Variants in FLT1 observed in about 807,000 individuals in gnomAD.
The protein encoded by FLT1 is vascular endothelial growth factor receptor 1.
A neutral mutation model predicts 156.3 loss-of-function variants in FLT1; 49 were observed. The ratio of observed to expected loss-of-function variants is 0.31; its 90% CI spans 0.25 to 0.40. The LOEUF is 0.40. Among genes scored for constraint, FLT1 ranks in the 10% least tolerant of loss-of-function variants. FLT1 has a pLI of 1.00. For synonymous variants in FLT1, 594 were observed against 583.8 expected (o/e 1.02, Z -0.25); for missense variants, 1,322 against 1,637.2 (o/e 0.81, Z 3.32).
At chr13:28,451,617 C>T (rs1878943104) in intron 3 of FLT1, among the ~76,000 whole-genome samples, 2 of 118,272 alleles carry the variant, frequency 1.7e-5, no homozygotes, top group Non-Finnish European at 1.8e-5. Flanking sequence ...GTGTGCGGGG[C>T]GGCGGGGGAG....
chr13:28,305,337 C>T (rs1870697846), intron 29 of FLT1, among the ~76,000 whole-genome samples: 1 of 152,132 alleles, frequency 6.6e-6, no homozygotes, highest in Non-Finnish European at 1.5e-5. Context: ...GATCCTCCCA[C>T]CCCAGCCTCC....
intron 1 of FLT1, among the ~76,000 whole-genome samples, chr13:28,478,240 C>T (rs1880657961): frequency 6.6e-6 from 1 of 152,160 alleles, no homozygotes; most frequent in South Asian, 2.1e-4. Context: ...TAAACAATTA[C>T]CAGTTTGGAA....
At chr13:28,396,549 G>T (rs959780731) in intron 12 of FLT1, among the ~76,000 whole-genome samples, 20 of 152,224 alleles carry the variant, frequency 1.3e-4, no homozygotes, top group Middle Eastern at 3.4e-3. Flanking sequence ...TACCTAAGTT[G>T]TAAAAAAATT....
At chr13:28,474,803 T>A (rs2137642064) in intron 1 of FLT1, among the ~76,000 whole-genome samples, 1 of 152,310 alleles carries the variant, frequency 6.6e-6, no homozygotes, top group Admixed American at 6.5e-5. Context: ...TTTAATATTC[T>A]TGTCTCTTAC....
intron 14 of FLT1, among the ~76,000 whole-genome samples, chr13:28,371,063 T>C (rs1873541070): frequency 6.6e-6 from 1 of 152,180 alleles, no homozygotes; most frequent in Admixed American, 6.5e-5. Context: ...GGTAGAACAA[T>C]ACGTTTTGAC....
At chr13:28,414,988 G>T (rs781767248) in intron 10 of FLT1, among the ~76,000 whole-genome samples, 3 of 150,814 alleles carry the variant, frequency 2.0e-5, no homozygotes, top group Non-Finnish European at 4.4e-5. Flanking sequence ...CATGGGATCT[G>T]CCAGGGCCCT....
At chr13:28,474,321 T>G (rs936543144) in intron 1 of FLT1, among the ~76,000 whole-genome samples, 13 of 152,090 alleles carry the variant, frequency 8.5e-5, no homozygotes, top group African/African-American at 2.9e-4. Flanking sequence ...CCAGGTGTGG[T>G]GGCATGCACC....
chr13:28,314,076 T>C (rs1401544254), intron 25 of FLT1, among the ~76,000 whole-genome samples: 1 of 152,132 alleles, frequency 6.6e-6, no homozygotes, highest in African/African-American at 2.4e-5. Flanking sequence ...TGCATGCCTG[T>C]AGTCCCTGTA....
intron 23 of FLT1, 79 bp from the exon 24 acceptor site, chr13:28,319,613 T>C: frequency 2.5e-6 from 2 of 800,702 alleles, no homozygotes; most frequent in Non-Finnish European, 4.4e-6. Context: ...TGGGGTCACC[T>C]CCCAGATAAC....
At chr13:28,319,390 G>C (rs1266572109) in intron 24 of FLT1, 33 bp downstream of exon 24, 9 of 1,325,362 alleles carry the variant, frequency 6.8e-6, no homozygotes, top group Non-Finnish European at 9.8e-6. Context: ...TTTATTTCTG[G>C]GCTGTTTGAT....
chr13:28,415,437 C>T (rs747403536), intron 10 of FLT1, among the ~76,000 whole-genome samples: 1 of 151,998 alleles, frequency 6.6e-6, no homozygotes, highest in Non-Finnish European at 1.5e-5. Context: ...GCCAAGATCG[C>T]GCCACTGCAC....
intron 13 of FLT1, chr13:28,389,456 A>C (rs1874565072): frequency 1.2e-5 from 16 of 1,310,856 alleles, no homozygotes; most frequent in Non-Finnish European, 1.5e-5. Flanking sequence ...GAAAACAGCA[A>C]GAGCAACAAA....
chr13:28,394,848 T>C (rs1330574957), intron 12 of FLT1, among the ~76,000 whole-genome samples: 1 of 152,116 alleles, frequency 6.6e-6, no homozygotes, highest in Non-Finnish European at 1.5e-5. Flanking sequence ...TAAATCTGCT[T>C]CTAGGTTGGC....
chr13:28,404,054 A>AG (rs1555235425), intron 11 of FLT1, among the ~76,000 whole-genome samples: 112 of 151,488 alleles, frequency 7.4e-4, no homozygotes, highest in Middle Eastern at 3.4e-3. Context: ...AAAAAAAAAA[A>AG]AAAGAAAGAA....
At chr13:28,480,956 A>G (rs1347348842) in intron 1 of FLT1, among the ~76,000 whole-genome samples, 4 of 152,244 alleles carry the variant, frequency 2.6e-5, no homozygotes, top group African/African-American at 9.6e-5. Flanking sequence ...GTTAGCCAGG[A>G]CTTCATGTTC....
intron 16 of FLT1, among the ~76,000 whole-genome samples, chr13:28,340,885 T>TA (rs1872308163): frequency 1.2e-5 from 1 of 84,160 alleles, no homozygotes; most frequent in African/African-American, 3.3e-5. Context: ...TGGTTGCCAT[T>TA]GGGTTAGACT....
At position 28,429,782 on chromosome 13, in the gene FLT1, T is replaced by C. The variant is rs538938510; in HGVS notation, c.1106+268A>G. ...AGAATGTTGACATCATAGGAAGGTT[T>C]AGAGATGCAGAAAGTTAGCCACAGT... On this transcript the variant is annotated intron_variant, in intron 8 of 29. Transcript: ENST00000282397. Among the ~76,000 whole-genome samples the C allele has an allele frequency of 3.3e-5, 5 of 152,274 alleles. No homozygotes were observed. The South Asian group carries it at 6.2e-4, about 19-fold the overall frequency.
At chr13:28,432,334 T>C (rs1367485062) in intron 6 of FLT1, among the ~76,000 whole-genome samples, 1 of 152,170 alleles carries the variant, frequency 6.6e-6, no homozygotes, top group Non-Finnish European at 1.5e-5. Flanking sequence ...AGACACATGT[T>C]GAGGCCATTT....
chr13:28,432,020 T>A (rs902287367), intron 6 of FLT1, among the ~76,000 whole-genome samples: 1 of 152,170 alleles, frequency 6.6e-6, no homozygotes, highest in African/African-American at 2.4e-5. Flanking sequence ...TCAGAGAAGA[T>A]CAAGAATTAG....
Sources: gnomAD v4.1 joint callset for allele counts (sites outside exome capture counted in the v4.1 genomes callset) on GRCh38, gnomAD v4.1.1 for gene constraint, MANE v1.5 for transcripts, NCBI Gene and HGNC (gene_info 2026-07-23, HGNC 2026-07-21) for gene names.